Variants in AKAP6 observed in about 807,000 individuals in gnomAD.
The protein encoded by AKAP6 is A-kinase anchor protein 6.
Under a neutral mutation model 188.5 loss-of-function variants are expected in AKAP6, and 58 were observed. The observed-to-expected ratio is 0.31, with a 90% CI of 0.25 to 0.38. The LOEUF is 0.38. Ranked by LOEUF, AKAP6 falls within the 10% of genes least tolerant of loss-of-function variation. The pLI is 1.00. For missense variants in AKAP6, 2,710 were observed against 2,740.0 expected, an observed-to-expected ratio of 0.99 and a Z score of 0.24; for synonymous variants, 989 against 998.6, an observed-to-expected ratio of 0.99 and a Z score of 0.18.
At chr14:32,353,053 A>ATTTT (rs35526201) in intron 1 of AKAP6, among the ~76,000 whole-genome samples, 1 of 149,638 alleles carries the variant, frequency 6.7e-6, no homozygotes, top group South Asian at 2.1e-4. Context: ...TCATACCAGC[A>ATTTT]TTTTTTTTTT....
chr14:32,400,532 G>T lies in AKAP6; in HGVS notation c.-34-32928G>T, dbSNP rs908362951. ...AGCATTTCCAGGTGCTTGGCGGCAG[G>T]AGTATTTCAAGATATTTAGTCCACT... On this transcript the variant is annotated intron_variant, in intron 1 of 13. Transcript: ENST00000280979. 5.5e-5 allele frequency among the ~76,000 whole-genome samples: 6 copies of T among 110,002 alleles called. No individual in the cohort carries two copies. In the Admixed American group the frequency reaches 8.8e-4, roughly 16 times the overall value. 72.2% of individuals were successfully genotyped at this position (110,002 alleles called of 152,430 possible). A position where few individuals can be genotyped will look rare whatever the true frequency, so the allele number is the denominator to read the frequency against.
rs532780275 is a variant in AKAP6, at chr14:32,400,100, T to C, written c.-34-33360T>C. 5.5e-4 allele frequency among the ~76,000 whole-genome samples: 83 copies of C among 152,194 alleles called. 2 individuals carry two copies. In the South Asian group the frequency reaches 0.017, roughly 31 times the overall value. ...TGGGGTTTACCTGCCCTTGTAGTAG[T>C]GTAAATCTGTATCTCAAACCCACAT... is the stretch of plus-strand genomic sequence containing the variant. On this transcript the variant is annotated intron_variant, in intron 1 of 13. Transcript: ENST00000280979.
chr14:32,744,516 C>CCG (rs1566681549), intron 11 of AKAP6, among the ~76,000 whole-genome samples: 28 of 152,202 alleles, frequency 1.8e-4, no homozygotes, highest in South Asian at 4.2e-4. Context: ...CAGGGTTTCA[C>CCG]TGCACTAGCC....
At chr14:32,510,413 T>C (rs943674133) in intron 2 of AKAP6, among the ~76,000 whole-genome samples, 2 of 83,074 alleles carry the variant, frequency 2.4e-5, no homozygotes, top group African/African-American at 4.6e-5. Flanking sequence ...TGTATATATA[T>C]GTATATATAT....
chr14:32,753,699 T>G (rs1256660524), intron 11 of AKAP6, among the ~76,000 whole-genome samples: 1 of 152,188 alleles, frequency 6.6e-6, no homozygotes, highest in Non-Finnish European at 1.5e-5. Context: ...GATTCTTGTA[T>G]ATGGTGTGAG....
intron 11 of AKAP6, among the ~76,000 whole-genome samples, chr14:32,750,448 T>C (rs2032079891): frequency 6.6e-6 from 1 of 152,144 alleles, no homozygotes; most frequent in Non-Finnish European, 1.5e-5. Context: ...CAGGTCTAGC[T>C]TGGAGGCTCA....
At chr14:32,643,552 C>T (rs573386461) in intron 7 of AKAP6, among the ~76,000 whole-genome samples, 22 of 152,070 alleles carry the variant, frequency 1.4e-4, no homozygotes, top group Non-Finnish European at 2.2e-4. Context: ...GTGATCTGCC[C>T]GCCTCGGCCT....
intron 11 of AKAP6, among the ~76,000 whole-genome samples, chr14:32,767,670 C>G (rs555651461): frequency 3.3e-5 from 5 of 152,142 alleles, no homozygotes; most frequent in African/African-American, 1.2e-4. Context: ...AATGTGTGCT[C>G]CCCAACCTGT....
chr14:32,823,752 C>T lies in AKAP6; in HGVS notation c.5939C>T (p.Thr1980Ile), dbSNP rs1227794746. Residue 1980 changes from threonine to isoleucine, a missense_variant, in exon 13 of 14, where the codon ACT becomes ATT. Physicochemically the swap from Thr to Ile is moderately conservative, Grantham distance 89. This residue lies in a region of AKAP6 where 2,473 missense variants were observed against 2,426.1 expected (regional missense o/e 1.02). Transcript: ENST00000280979. ...FENQSTASTP[T>I]EKSFSELALE... is the part of the protein sequence containing the mutation. ...AATCAAAGCACTGCCTCTACTCCCA[C>T]TGAGAAGTCTTTCTCAGAACTGGCT... 2.5e-6 allele frequency: 4 copies of T among 1,613,616 alleles called. No individual in the cohort carries two copies. The highest frequency in any genetic ancestry group is 3.4e-6 in the Non-Finnish European group (4 of 1,179,936).
Position 32,463,456 on chromosome 14 carries a change from C to T in AKAP6, c.324+29639C>T, listed in dbSNP as rs145395332. 7.6e-4 allele frequency among the ~76,000 whole-genome samples: 116 copies of T among 152,314 alleles called. 1 individual carries two copies. The East Asian group carries it at 0.021, about 28-fold the overall frequency. On this transcript the variant is annotated intron_variant, in intron 2 of 13. Transcript: ENST00000280979. ...TCAGGATTAAGAATCTCACTCAAAA[C>T]TGCACAACTACGTCGAAACTGAACA... is the stretch of plus-strand genomic sequence containing the variant.
At chr14:32,400,579 A>AAAAAAAAAAAAAAAAAAAG (rs5807654) in intron 1 of AKAP6, among the ~76,000 whole-genome samples, 1 of 150,328 alleles carries the variant, frequency 6.7e-6, no homozygotes, top group African/African-American at 2.4e-5. Flanking sequence ...AAAAAAAAAA[A>AAAAAAAAAAAAAAAAAAAG]GACAGTAAGC....
At chr14:32,731,916 T>C (rs1037725464) in intron 9 of AKAP6, among the ~76,000 whole-genome samples, 1 of 152,130 alleles carries the variant, frequency 6.6e-6, no homozygotes, top group East Asian at 1.9e-4. Flanking sequence ...GATTTGTAAC[T>C]ACTCCTAAAA....
intron 4 of AKAP6, among the ~76,000 whole-genome samples, chr14:32,554,518 C>T (rs1883611165): frequency 6.6e-6 from 1 of 152,140 alleles, no homozygotes; most frequent in Non-Finnish European, 1.5e-5. Context: ...GCTGGTATTC[C>T]AGCTGGGATG....
rs547324438 is a variant in AKAP6, at chr14:32,402,995, G to C, written c.-34-30465G>C. The C allele has an allele frequency of 2.6e-5, 4 of 152,418 alleles. No individual in the cohort carries two copies. The East Asian group carries it at 7.7e-4, about 29-fold the overall frequency. 9.4% of individuals were successfully genotyped at this position (152,418 alleles called of 1,614,324 possible). ...GATCTGCCCACCTTGGCCTCCCAAA[G>C]TGCTGGGATTATAGGTGTGAGCCAC... On this transcript the variant is annotated intron_variant, in intron 1 of 13. Coordinates refer to ENST00000280979, the MANE Select transcript of AKAP6 (RefSeq NM_004274.5).
intron 11 of AKAP6, among the ~76,000 whole-genome samples, chr14:32,741,344 G>A (rs1296596018): frequency 6.6e-6 from 1 of 151,834 alleles, no homozygotes; most frequent in Non-Finnish European, 1.5e-5. Context: ...TTCTGATTTG[G>A]ATGCCTCTAT....
intron 1 of AKAP6, among the ~76,000 whole-genome samples, chr14:32,371,163 T>C (rs1887992497): frequency 6.6e-6 from 1 of 152,194 alleles, no homozygotes; most frequent in South Asian, 2.1e-4. Context: ...AAGTAAGACA[T>C]ATGCACCATA....
rs1880357403 is a variant in AKAP6, at chr14:32,497,065, GGCTGGGA to G, written c.325-38487_325-38481del. 7.9e-5 allele frequency among the ~76,000 whole-genome samples: 12 copies of G among 152,250 alleles called. No individual in the cohort carries two copies. The South Asian group carries it at 2.5e-3, about 32-fold the overall frequency. On this transcript the variant is annotated intron_variant, in intron 2 of 13. Coordinates refer to ENST00000280979, the MANE Select transcript of AKAP6 (RefSeq NM_004274.5). Reference sequence around the variant, plus strand: ...GAGACCGTGGGCATACATCCTCAATGGCTGGGAGTTGATATTTAGCAGGATTTGGGGG... The same window carrying G: ...GAGACCGTGGGCATACATCCTCAATGGTTGATATTTAGCAGGATTTGGGGG...
chr14:32,493,722 T>G (rs1027301981), intron 2 of AKAP6, among the ~76,000 whole-genome samples: 1 of 152,194 alleles, frequency 6.6e-6, no homozygotes, highest in Non-Finnish European at 1.5e-5. Flanking sequence ...AAGCTATGTG[T>G]GCTCCATTGA....
intron 2 of AKAP6, among the ~76,000 whole-genome samples, chr14:32,497,747 A>G (rs143507213): frequency 1.5e-4 from 23 of 152,044 alleles, no homozygotes; most frequent in African/African-American, 5.5e-4. Context: ...AAAATCTCCA[A>G]TTAAAATTGT....
Sources: gnomAD v4.1 joint callset for allele counts (sites outside exome capture counted in the v4.1 genomes callset) on GRCh38, gnomAD v4.1.1 for gene constraint, gnomAD v4.1.1 regional missense constraint, MANE v1.5 for transcripts, NCBI Gene and HGNC (gene_info 2026-07-23, HGNC 2026-07-21) for gene names.